CFAP299: variants seen among roughly 807,000 people sequenced by gnomAD.
CFAP299 encodes the protein cilia- and flagella-associated protein 299.
A neutral mutation model predicts 27.0 loss-of-function variants in CFAP299; 21 were observed. That is an observed-to-expected ratio of 0.78 (90% confidence interval 0.55 to 1.12). The LOEUF (loss-of-function observed/expected upper bound fraction) is 1.12, where lower values mean the gene tolerates loss of function less well. CFAP299 is among the 50% of genes most tolerant of loss of function. CFAP299 has a pLI of 0.00. For missense variants in CFAP299, 310 were observed against 276.6 expected (o/e 1.12, Z -0.86); for synonymous variants, 104 against 98.1 (o/e 1.06, Z -0.36).
intron 4 of CFAP299, chr4:80,872,567 T>A (rs1578203029): frequency 6.6e-6 from 1 of 152,062 alleles, no homozygotes; most frequent in Middle Eastern, 3.2e-3. Context: ...TTCAGAGTAG[T>A]TGTATCATTT....
intron 3 of CFAP299, among the ~76,000 whole-genome samples, chr4:80,738,555 C>T (rs1257352374): frequency 6.6e-6 from 1 of 151,854 alleles, no homozygotes; most frequent in Non-Finnish European, 1.5e-5. Flanking sequence ...GCTGCTCCTG[C>T]TCTTTTCTGG....
chr4:80,591,469 G>A (rs2109886136), intron 3 of CFAP299, among the ~76,000 whole-genome samples: 1 of 152,180 alleles, frequency 6.6e-6, no homozygotes, highest in Middle Eastern at 3.4e-3. Context: ...ATCATGCAGC[G>A]AAGAGGTCGA....
At chr4:80,419,585 C>T (rs948889890) in intron 2 of CFAP299, among the ~76,000 whole-genome samples, 7 of 152,078 alleles carry the variant, frequency 4.6e-5, no homozygotes, top group South Asian at 2.1e-4. Context: ...TCCCTAGTGC[C>T]GGCTGTGACC....
At chr4:80,559,107 T>C (rs1734919485) in intron 2 of CFAP299, among the ~76,000 whole-genome samples, 1 of 152,170 alleles carries the variant, frequency 6.6e-6, no homozygotes. Context: ...GGCTGGAATG[T>C]TCAAAATGGC....
At chr4:80,948,924 G>A (rs939789206) in intron 5 of CFAP299, among the ~76,000 whole-genome samples, 1 of 152,048 alleles carries the variant, frequency 6.6e-6, no homozygotes. Context: ...GCAGAAATGG[G>A]TATAGTCATT....
chr4:80,334,989 A>T (rs1048471713), upstream of CFAP299, among the ~76,000 whole-genome samples: 1 of 152,266 alleles, frequency 6.6e-6, no homozygotes, highest in South Asian at 2.1e-4. Flanking sequence ...GGTTCTGAAC[A>T]TATTTTGCCA....
At chr4:80,834,262 T>A (rs185730144) in intron 3 of CFAP299, among the ~76,000 whole-genome samples, 23 of 152,284 alleles carry the variant, frequency 1.5e-4, no homozygotes, top group African/African-American at 5.5e-4. Context: ...AGATTCCATG[T>A]GAGACAGAGG....
At chr4:80,562,924 A>T (rs1219930060) in intron 2 of CFAP299, among the ~76,000 whole-genome samples, 1 of 152,028 alleles carries the variant, frequency 6.6e-6, no homozygotes, top group Non-Finnish European at 1.5e-5. Flanking sequence ...AAAATGTTTC[A>T]GACAAAAATT....
intron 3 of CFAP299, among the ~76,000 whole-genome samples, chr4:80,816,055 T>C (rs1050682650): frequency 6.6e-6 from 1 of 152,032 alleles, no homozygotes; most frequent in African/African-American, 2.4e-5. Flanking sequence ...ATATGTATTC[T>C]ATAAAACTAC....
chr4:80,548,129 C>T (rs564458204), intron 2 of CFAP299, among the ~76,000 whole-genome samples: 3 of 152,192 alleles, frequency 2.0e-5, no homozygotes, highest in East Asian at 1.9e-4. Flanking sequence ...TCAACCAAGA[C>T]GCCTATCAAT....
At chr4:80,542,805 C>T (rs908034817) in intron 2 of CFAP299, among the ~76,000 whole-genome samples, 1 of 152,090 alleles carries the variant, frequency 6.6e-6, no homozygotes, top group Admixed American at 6.5e-5. Context: ...AGCCTCCTGC[C>T]AGAATGTTTG....
At position 80,963,131 on chromosome 4, in the gene CFAP299, C is replaced by T. The variant is rs563019852; in HGVS notation, c.607-386C>T. Among the ~76,000 whole-genome samples the T allele has an allele frequency of 1.9e-3, 289 of 152,140 alleles. 1 individual carries two copies. Among genetic ancestry groups the T allele is most frequent in the Non-Finnish European group, 3.3e-3 (224 of 67,956 alleles). ...ATCTAAATCAATCCCAGACTTGAGA[C>T]ATTTTATTTGACAAACTTGAAATCA... On this transcript the variant is annotated intron_variant, in intron 5 of 5. Transcript: ENST00000358105.
At chr4:80,676,708 C>T (rs1300442434) in intron 3 of CFAP299, among the ~76,000 whole-genome samples, 2 of 151,998 alleles carry the variant, frequency 1.3e-5, no homozygotes, top group Admixed American at 1.3e-4. Flanking sequence ...GGAATTTACT[C>T]ATTTCTGCTA....
At chr4:80,865,974 C>T (rs79807642) in intron 3 of CFAP299, among the ~76,000 whole-genome samples, 2,812 of 143,542 alleles carry the variant, frequency 0.02, 61 homozygotes, top group East Asian at 0.051. Context: ...AGGTAAATGA[C>T]GAGTTAATGG....
At chr4:80,466,209 G>A (rs1389477964) in intron 2 of CFAP299, among the ~76,000 whole-genome samples, 1 of 152,114 alleles carries the variant, frequency 6.6e-6, no homozygotes, top group Non-Finnish European at 1.5e-5. Context: ...GACCTGAATG[G>A]CATCTACTTA....
intron 2 of CFAP299, among the ~76,000 whole-genome samples, chr4:80,516,223 G>T (rs1313453727): frequency 6.6e-6 from 1 of 151,832 alleles, no homozygotes; most frequent in Non-Finnish European, 1.5e-5. Context: ...TTTTCACTGT[G>T]TTGGTCAGGT....
intron 2 of CFAP299, among the ~76,000 whole-genome samples, chr4:80,495,208 A>G (rs1461280144): frequency 6.6e-6 from 1 of 152,230 alleles, no homozygotes; most frequent in Non-Finnish European, 1.5e-5. Context: ...GTTAGCAAGA[A>G]GAAAGAGAAG....
At chr4:80,533,457 T>A (rs1000708294) in intron 2 of CFAP299, among the ~76,000 whole-genome samples, 2 of 152,242 alleles carry the variant, frequency 1.3e-5, no homozygotes, top group Admixed American at 6.5e-5. Flanking sequence ...CTAGAAAAAA[T>A]TTTTTGCCAC....
chr4:80,630,865 G>A (rs964246225), intron 3 of CFAP299, among the ~76,000 whole-genome samples: 3 of 151,904 alleles, frequency 2.0e-5, no homozygotes, highest in African/African-American at 4.8e-5. Context: ...TAAGAGTTAC[G>A]TTAACATATT....
Sources: gnomAD v4.1 joint callset for allele counts (sites outside exome capture counted in the v4.1 genomes callset) on GRCh38, gnomAD v4.1.1 for gene constraint, MANE v1.5 for transcripts, NCBI Gene and HGNC (gene_info 2026-07-23, HGNC 2026-07-21) for gene names.